The following LDLRAD3 variants were observed in gnomAD, a reference collection of about 807,000 sequenced individuals.
The protein encoded by LDLRAD3 is low density lipoprotein receptor class A domain containing 3.
A neutral mutation model predicts 29.4 loss-of-function variants in LDLRAD3; 20 were observed. The ratio of observed to expected loss-of-function variants is 0.68; its 90% CI spans 0.48 to 0.99. The LOEUF is 0.99. Among genes scored for constraint, LDLRAD3 ranks in the 50% least tolerant of loss-of-function variants. The pLI, the probability that LDLRAD3 is intolerant of heterozygous loss-of-function variation, is 0.00. For missense variants in LDLRAD3, 420 were observed against 454.3 expected (o/e 0.92, Z 0.69); for synonymous variants, 157 against 192.7 (o/e 0.81, Z 1.53).
At chr11:36,087,188 CAAATT>C (rs1853208935) in intron 3 of LDLRAD3, among the ~76,000 whole-genome samples, 1 of 151,796 alleles carries the variant, frequency 6.6e-6, no homozygotes, top group Non-Finnish European at 1.5e-5. Context: ...GAGTAAAAGA[CAAATT>C]AACTAAATGT....
chr11:36,115,562 G>A (rs554781519), intron 4 of LDLRAD3, among the ~76,000 whole-genome samples: 33 of 152,152 alleles, frequency 2.2e-4, no homozygotes, highest in Non-Finnish European at 3.4e-4. Flanking sequence ...GGTTGCACAC[G>A]AAGGCCAGAA....
At chr11:36,147,523 C>T (rs1466517285) in intron 4 of LDLRAD3, among the ~76,000 whole-genome samples, 1 of 152,084 alleles carries the variant, frequency 6.6e-6, no homozygotes, top group African/African-American at 2.4e-5. Flanking sequence ...CTGCAGAGAC[C>T]CCGTTTTCCA....
chr11:36,227,676 A>G (rs1274313253), intron 5 of LDLRAD3, among the ~76,000 whole-genome samples: 3 of 152,226 alleles, frequency 2.0e-5, no homozygotes, highest in Non-Finnish European at 1.5e-5. Context: ...TTATGGTGAT[A>G]GTTGCACAAA....
intron 2 of LDLRAD3, among the ~76,000 whole-genome samples, chr11:36,044,572 T>C (rs965128118): frequency 1.3e-5 from 2 of 152,250 alleles, no homozygotes; most frequent in Non-Finnish European, 1.5e-5. Context: ...TTTGAGAGCC[T>C]GTGCCACAGA....
At position 36,104,284 on chromosome 11, in the gene LDLRAD3, C is replaced by T. The variant is rs545987645; in HGVS notation, c.454+5823C>T. 7.2e-5 allele frequency among the ~76,000 whole-genome samples: 11 copies of T among 152,300 alleles called. 1 individual carries two copies. The highest frequency in any genetic ancestry group is 4.1e-4 in the South Asian group (2 of 4,820). ...GGAAGTGGGTCCTCCCCTAGTCAAA[C>T]AGAGACATCTGCAGCCCCGGCTGAC... On this transcript the variant is annotated intron_variant, in intron 4 of 5. Coordinates refer to ENST00000315571, the MANE Select transcript of LDLRAD3 (RefSeq NM_174902.4).
At chr11:36,108,040 G>A (rs972996849) in intron 4 of LDLRAD3, among the ~76,000 whole-genome samples, 1 of 151,978 alleles carries the variant, frequency 6.6e-6, no homozygotes, top group African/African-American at 2.4e-5. Flanking sequence ...GCCAGGCACG[G>A]TGGCTCACTC....
At chr11:36,156,969 T>C (rs998907412) in intron 4 of LDLRAD3, among the ~76,000 whole-genome samples, 2 of 152,250 alleles carry the variant, frequency 1.3e-5, no homozygotes, top group Non-Finnish European at 2.9e-5. Flanking sequence ...CAGGTTTTGT[T>C]GATGATGTTG....
intron 1 of LDLRAD3, among the ~76,000 whole-genome samples, chr11:35,999,592 G>T (rs573104500): frequency 6.6e-6 from 1 of 152,056 alleles, no homozygotes; most frequent in Admixed American, 6.5e-5. Flanking sequence ...TCATGTCCAC[G>T]ACCTGCCCAA....
intron 4 of LDLRAD3, among the ~76,000 whole-genome samples, chr11:36,148,665 G>A (rs1854232541): frequency 6.6e-6 from 1 of 152,102 alleles, no homozygotes; most frequent in Non-Finnish European, 1.5e-5. Flanking sequence ...TCAGACTCTG[G>A]GTCTTTGTAT....
intron 1 of LDLRAD3, among the ~76,000 whole-genome samples, chr11:36,019,239 T>A (rs1852061726): frequency 6.6e-6 from 1 of 152,176 alleles, no homozygotes; most frequent in East Asian, 1.9e-4. Context: ...ATCGCGGGTG[T>A]TCAGTGCAAA....
chr11:36,175,814 T>C lies in LDLRAD3; in HGVS notation c.455-51271T>C, dbSNP rs560198227. Among the ~76,000 whole-genome samples the C allele has an allele frequency of 1.4e-4, 21 of 152,338 alleles. No individual in the cohort carries two copies. The South Asian group carries it at 2.9e-3, about 21-fold the overall frequency. On this transcript the variant is annotated intron_variant, in intron 4 of 5. Transcript: ENST00000315571. ...TTGGGTAGAATGTTCTGTACATATC[T>C]GTTAAGTTTAGTTGCTCTAGGGTAT...
At chr11:36,126,697 A>AT (rs1419928966) in intron 4 of LDLRAD3, among the ~76,000 whole-genome samples, 9 of 152,130 alleles carry the variant, frequency 5.9e-5, no homozygotes, top group Non-Finnish European at 1.0e-4. Context: ...TTGCCTTTTG[A>AT]TTTTTAGTCT....
Position 36,115,109 on chromosome 11 carries a change from C to T in LDLRAD3, c.454+16648C>T, listed in dbSNP as rs150290561. 8.0e-3 allele frequency among the ~76,000 whole-genome samples: 1,220 copies of T among 151,744 alleles called. 14 individuals carry two copies. Among genetic ancestry groups the T allele is most frequent in the African/African-American group, 0.027 (1,125 of 41,342 alleles). ...GAGACTGCCATATTGTGAGGAAGCC[C>T]GAACTATCTACACAAAGAGACCCTG... is the stretch of plus-strand genomic sequence containing the variant. On this transcript the variant is annotated intron_variant, in intron 4 of 5. Transcript: ENST00000315571.
At chr11:36,197,651 G>A (rs1855054234) in intron 4 of LDLRAD3, 1 of 152,216 alleles carries the variant, frequency 6.6e-6, no homozygotes, top group Non-Finnish European at 1.5e-5. Context: ...ACTATTATTA[G>A]GTGCTGGGAA....
At position 36,140,856 on chromosome 11, in the gene LDLRAD3, G is replaced by C. The variant is rs989815233; in HGVS notation, c.454+42395G>C. Among the ~76,000 whole-genome samples, 6 of 152,320 alleles carry C rather than the reference G, an allele frequency of 3.9e-5. No individual in the cohort carries two copies. In the East Asian group the frequency reaches 1.2e-3, roughly 29 times the overall value. The stretch of plus-strand genomic sequence containing the variant: ...GAAAATAATTACCTAGGAGCACGAG[G>C]GGTGAGCAGGCAATGCAATTGAAGT... On this transcript the variant is annotated intron_variant, in intron 4 of 5. Coordinates refer to ENST00000315571, the MANE Select transcript of LDLRAD3 (RefSeq NM_174902.4).
intron 1 of LDLRAD3, among the ~76,000 whole-genome samples, chr11:35,970,651 G>A (rs1474717258): frequency 6.6e-6 from 1 of 152,190 alleles, no homozygotes; most frequent in African/African-American, 2.4e-5. Flanking sequence ...GTACATCAAG[G>A]CTGAGAGGTG....
intron 4 of LDLRAD3, among the ~76,000 whole-genome samples, chr11:36,205,944 T>C (rs1308032328): frequency 3.9e-5 from 6 of 152,196 alleles, no homozygotes; most frequent in African/African-American, 1.2e-4. Flanking sequence ...AGATTTTCCG[T>C]TGGTGTTAAC....
chr11:36,129,527 C>G (rs1248937180), intron 4 of LDLRAD3, among the ~76,000 whole-genome samples: 1 of 152,154 alleles, frequency 6.6e-6, no homozygotes, highest in Non-Finnish European at 1.5e-5. Flanking sequence ...GCTGGGACCC[C>G]AAGGGATGTT....
intron 1 of LDLRAD3, chr11:35,968,093 G>T: frequency 2.2e-6 from 1 of 450,330 alleles, no homozygotes. Context: ...AGGAAGCCAT[G>T]TTGGTTTCTC....
Sources: allele counts gnomAD v4.1 joint callset (sites outside exome capture counted in the v4.1 genomes callset), GRCh38; gene constraint gnomAD v4.1.1; transcripts MANE v1.5; gene names NCBI Gene and HGNC (gene_info 2026-07-23, HGNC 2026-07-21).